Variants in PRCP observed in about 807,000 individuals in gnomAD.
PRCP encodes prolylcarboxypeptidase.
In PRCP, 46 loss-of-function variants were observed where a neutral mutation model predicts 54.2. That is an observed-to-expected ratio of 0.85 (90% CI 0.67 to 1.09). PRCP has a LOEUF of 1.09. PRCP is among the 50% of genes least tolerant of loss of function. The pLI, the probability that PRCP is intolerant of heterozygous loss-of-function variation, is 0.00. For missense variants in PRCP, 613 were observed against 596.8 expected (o/e 1.03, Z -0.28); for synonymous variants, 240 against 212.2 (o/e 1.13, Z -1.14).
intron 3 of PRCP, 99 bp from the exon 4 acceptor site, chr11:82,850,604 T>C (rs1043152104): frequency 1.0e-6 from 1 of 992,274 alleles, no homozygotes; most frequent in Non-Finnish European, 1.4e-6. Flanking sequence ...GATAAGCTTT[T>C]CTCTAAATAG....
At position 82,839,191 on chromosome 11, in the gene PRCP, T is replaced by C. The variant is rs537751373; in HGVS notation, c.1086+70A>G. 2.0e-6 allele frequency: 3 copies of C among 1,509,568 alleles called. No homozygotes were observed. In the Admixed American group the frequency reaches 6.2e-5, roughly 31 times the overall value. The allele number at this position is 1,509,568 out of a possible 1,614,324, so 93.5% of individuals were successfully genotyped here. On this transcript the variant is annotated intron_variant, in intron 7 of 8. Coordinates refer to ENST00000313010, the MANE Select transcript of PRCP (RefSeq NM_005040.4). ...TTAGGTGACAAAATCTTGTGTACCC[T>C]GATTTTTTTTTACAGCACAACTGTG...
upstream of PRCP, chr11:82,901,327 C>G (rs554133116): frequency 7.7e-5 from 16 of 208,406 alleles, no homozygotes; most frequent in East Asian, 2.0e-3. Context: ...CTCCACCCCC[C>G]TCCTGCCTCC....
chr11:82,897,950 T>TA (rs1233545293), intron 1 of PRCP, among the ~76,000 whole-genome samples: 2 of 152,154 alleles, frequency 1.3e-5, no homozygotes, highest in Non-Finnish European at 2.9e-5. Flanking sequence ...AAACCTTGAA[T>TA]AAAAAACTAA....
chr11:82,900,210 C>T (rs370688199), intron 1 of PRCP, 25 bp downstream of exon 1: 3 of 1,612,222 alleles, frequency 1.9e-6, no homozygotes, highest in Non-Finnish European at 2.5e-6. Context: ...GGGCCTGGGA[C>T]GGCGAAGCCC....
chr11:82,854,856 A>G (rs1396612075), intron 2 of PRCP, among the ~76,000 whole-genome samples: 1 of 152,168 alleles, frequency 6.6e-6, no homozygotes, highest in Non-Finnish European at 1.5e-5. Context: ...AGAGAATCCA[A>G]AAATCAAGCC....
chr11:82,841,058 A>ATATATATATATATAT (rs1178732590), intron 6 of PRCP, among the ~76,000 whole-genome samples: 3 of 149,626 alleles, frequency 2.0e-5, no homozygotes, highest in African/African-American at 2.5e-5. Flanking sequence ...TATATAATAG[A>ATATATATATATATAT]CTAGTCCTGA....
At chr11:82,839,450 G>A (rs763558777) in intron 6 of PRCP, 25 bp from the exon 7 acceptor site, 5 of 1,584,940 alleles carry the variant, frequency 3.2e-6, no homozygotes, top group Middle Eastern at 1.9e-4. Flanking sequence ...AGATAAATGG[G>A]GAAAGAGTCA....
rs1482051557 is a variant in PRCP, at chr11:82,882,491, GTTCTTTTTTT to G, written c.168+17734_168+17743del. Among the ~76,000 whole-genome samples, 139 of 142,114 alleles carry G rather than the reference GTTCTTTTTTT, an allele frequency of 9.8e-4. 1 individual carries two copies. In the South Asian group the frequency reaches 0.01, roughly 10 times the overall value. 93.2% of individuals were successfully genotyped at this position (142,114 alleles called of 152,430 possible). On this transcript the variant is annotated intron_variant, in intron 1 of 8. Transcript: ENST00000313010. Reference sequence around the variant, plus strand: ...GAGGACCAAAGCTGATACTGAGCCAGTTCTTTTTTTTTTTTTTTTTTTGAGACGGAGTCTC... The same window carrying G: ...GAGGACCAAAGCTGATACTGAGCCAGTTTTTTTTTTTTGAGACGGAGTCTC...
In PRCP at chr11:82,849,182, A is replaced by G; in HGVS notation, c.788T>C (p.Leu263Ser). 6.2e-7 allele frequency: 1 copy of G among 1,614,124 alleles called. No individual in the cohort carries two copies. The highest frequency in any genetic ancestry group is 8.5e-7 in the Non-Finnish European group (1 of 1,179,960). The change falls in exon 6 of 9, where the codon TTA becomes TCA. Residue 263 changes from leucine (L) to serine (S), a missense_variant. Coordinates refer to ENST00000313010, the MANE Select transcript of PRCP (RefSeq NM_005040.4). ...GTCCTGAGAAGTTAATGGGCTGCAT[A>G]AGTGAAGGGCTCCAGTAAGCCACTG... ...GLQWLTGALH[L>S]CSPLTSQDIQ...
At chr11:82,839,183 G>T in intron 7 of PRCP, 78 bp downstream of exon 7, 1 of 1,477,488 alleles carries the variant, frequency 6.8e-7, no homozygotes. Context: ...ACAAAATCTT[G>T]TGTACCCTGA....
At chr11:82,875,993 T>C (rs1859595760) in intron 1 of PRCP, among the ~76,000 whole-genome samples, 2 of 151,964 alleles carry the variant, frequency 1.3e-5, no homozygotes, top group Admixed American at 6.5e-5. Context: ...CTCGCATCAT[T>C]ACAAAAAAAA....
intron 1 of PRCP, chr11:82,884,946 A>G: frequency 6.3e-7 from 1 of 1,592,200 alleles, no homozygotes; most frequent in Non-Finnish European, 8.5e-7. Flanking sequence ...ACTAGCACAC[A>G]CCTCCCAGCT....
At chr11:82,875,100 G>A (rs1288815246) in intron 1 of PRCP, among the ~76,000 whole-genome samples, 1 of 151,912 alleles carries the variant, frequency 6.6e-6, no homozygotes, top group Non-Finnish European at 1.5e-5. Flanking sequence ...CTGCCCCTGT[G>A]AATAGTGTAA....
At chr11:82,873,827 G>A (rs1859535203) in intron 1 of PRCP, among the ~76,000 whole-genome samples, 1 of 152,170 alleles carries the variant, frequency 6.6e-6, no homozygotes, top group African/African-American at 2.4e-5. Context: ...AATACATGAT[G>A]TTAAAGCACT....
chr11:82,844,389 C>T (rs1858750874), intron 6 of PRCP, among the ~76,000 whole-genome samples: 1 of 152,054 alleles, frequency 6.6e-6, no homozygotes. Flanking sequence ...TGCCATTGCA[C>T]TCCAGCCTGG....
intron 8 of PRCP, among the ~76,000 whole-genome samples, chr11:82,832,949 T>C (rs1858423580): frequency 6.6e-6 from 1 of 152,340 alleles, no homozygotes; most frequent in East Asian, 1.9e-4. Context: ...TTTTGCATTG[T>C]ATTTCTCATA....
chr11:82,832,886 A>C (rs1858421731), intron 8 of PRCP, among the ~76,000 whole-genome samples: 1 of 152,184 alleles, frequency 6.6e-6, no homozygotes, highest in South Asian at 2.1e-4. Context: ...TTACTTTGGG[A>C]GTGCTGTTTC....
intron 1 of PRCP, chr11:82,884,999 G>A: frequency 7.1e-7 from 1 of 1,404,908 alleles, no homozygotes; most frequent in Non-Finnish European, 9.4e-7. Flanking sequence ...TCATGTGAAA[G>A]AAAAAATATG....
upstream of PRCP, chr11:82,900,723 T>C (rs2121298761): frequency 3.8e-6 from 2 of 529,586 alleles, no homozygotes; most frequent in South Asian, 3.1e-5. Context: ...CTGTAGCCCA[T>C]GCTTTATCTA....
Sources: allele counts gnomAD v4.1 joint callset (sites outside exome capture counted in the v4.1 genomes callset), GRCh38; gene constraint gnomAD v4.1.1; transcripts MANE v1.5; gene names NCBI Gene and HGNC (gene_info 2026-07-23, HGNC 2026-07-21).